Variants in SEPTIN11 observed in about 807,000 individuals in gnomAD.
SEPTIN11 encodes the protein septin 11.
A neutral mutation model predicts 51.4 loss-of-function variants in SEPTIN11; 25 were observed. The observed-to-expected ratio is 0.49, with a 90% CI of 0.35 to 0.68. The LOEUF is 0.68. Among genes scored for constraint, SEPTIN11 ranks in the 30% least tolerant of loss-of-function variants. The pLI, the probability that SEPTIN11 is intolerant of heterozygous loss-of-function variation, is 0.00. For missense variants in SEPTIN11, 381 were observed against 520.8 expected (o/e 0.73, Z 2.61); for synonymous variants, 174 against 184.1 (o/e 0.95, Z 0.44).
At chr4:76,973,199 A>G (rs1002011204) in intron 1 of SEPTIN11, 1 of 152,136 alleles carries the variant, frequency 6.6e-6, no homozygotes, top group African/African-American at 2.4e-5. Context: ...GTGGGGGGAA[A>G]CAAAAAAGTC....
chr4:76,989,368 A>G (rs2109926159), intron 1 of SEPTIN11, among the ~76,000 whole-genome samples: 1 of 152,360 alleles, frequency 6.6e-6, no homozygotes, highest in East Asian at 1.9e-4. Flanking sequence ...AAAATTAAAT[A>G]TTGCTTTCGA....
Position 77,036,001 on chromosome 4 carries a change from C to T in SEPTIN11, c.*1489C>T. 1 of 985,878 alleles carries T rather than the reference C, an allele frequency of 1.0e-6. No homozygotes were observed. Among genetic ancestry groups the T allele is most frequent in the Non-Finnish European group, 1.2e-6 (1 of 829,956 alleles). 61.1% of individuals were successfully genotyped at this position (985,878 alleles called of 1,614,324 possible). ...GATTAAGTAAATAGGATAGAATATG[C>T]TGCGTCTCCCCTGACACACACTTTC... On this transcript the variant is annotated 3_prime_UTR_variant, in exon 10 of 10. Coordinates refer to ENST00000264893, the MANE Select transcript of SEPTIN11 (RefSeq NM_018243.4).
intron 1 of SEPTIN11, among the ~76,000 whole-genome samples, chr4:76,959,368 C>A (rs180847573): frequency 1.9e-4 from 29 of 151,470 alleles, no homozygotes; most frequent in African/African-American, 7.0e-4. Flanking sequence ...CCTGTCTAGG[C>A]CTCCCAAAAT....
intron 1 of SEPTIN11, among the ~76,000 whole-genome samples, chr4:76,983,088 C>T (rs141453227): frequency 3.7e-4 from 56 of 152,214 alleles, no homozygotes; most frequent in African/African-American, 1.1e-3. Flanking sequence ...ATCCCAGCCC[C>T]CTGGTGTACA....
chr4:77,037,870 T>C lies in SEPTIN11; in HGVS notation c.*3358T>C. On this transcript the variant is annotated 3_prime_UTR_variant, in exon 10 of 10. Coordinates refer to ENST00000264893, the MANE Select transcript of SEPTIN11 (RefSeq NM_018243.4). The stretch of plus-strand genomic sequence containing the variant: ...TAATGTAACAGTGGGCACAGATTAC[T>C]TATCTTCCTTCTCTGCTTTGTGACT... 1.0e-6 allele frequency: 1 copy of C among 985,922 alleles called. No individual in the cohort carries two copies. The highest frequency in any genetic ancestry group is 1.2e-6 in the Non-Finnish European group (1 of 829,948). 61.1% of individuals were successfully genotyped at this position (985,922 alleles called of 1,614,324 possible).
chr4:77,007,490 C>G (rs1265152429), intron 3 of SEPTIN11, among the ~76,000 whole-genome samples: 1 of 152,206 alleles, frequency 6.6e-6, no homozygotes, highest in Non-Finnish European at 1.5e-5. Context: ...ATTTTTGCCT[C>G]TCCCCTAAAC....
chr4:77,020,407 G>C (rs996877202), intron 6 of SEPTIN11, 95 bp from the exon 7 acceptor site: 123 of 1,442,640 alleles, frequency 8.5e-5, no homozygotes, highest in Non-Finnish European at 9.5e-5. Flanking sequence ...AGAGATTTCA[G>C]GAGTGATGGT....
Position 77,036,820 on chromosome 4 carries a change from G to A in SEPTIN11, c.*2308G>A. Reference sequence around the variant, plus strand: ...ATGATACCCTCAAATCTAATTGGATGTGCTTTCGCCTTTGCATGTAAGTAC... The same window carrying A: ...ATGATACCCTCAAATCTAATTGGATATGCTTTCGCCTTTGCATGTAAGTAC... On this transcript the variant is annotated 3_prime_UTR_variant, in exon 10 of 10. Coordinates refer to ENST00000264893, the MANE Select transcript of SEPTIN11 (RefSeq NM_018243.4). 1 of 1,527,460 alleles carries A rather than the reference G, an allele frequency of 6.5e-7. No homozygotes were observed. The highest frequency in any genetic ancestry group is 1.2e-5 in the South Asian group (1 of 81,940). The allele number at this position is 1,527,460 out of a possible 1,614,324, so 94.6% of individuals were successfully genotyped here.
Position 77,037,885 on chromosome 4 carries a change from G to A in SEPTIN11, c.*3373G>A. On this transcript the variant is annotated 3_prime_UTR_variant, in exon 10 of 10. Transcript: ENST00000264893. Reference sequence around the variant, plus strand: ...CACAGATTACTTATCTTCCTTCTCTGCTTTGTGACTCACCAGCAGTAACAC... The same window carrying A: ...CACAGATTACTTATCTTCCTTCTCTACTTTGTGACTCACCAGCAGTAACAC... 1 of 985,852 alleles carries A rather than the reference G, an allele frequency of 1.0e-6. No individual in the cohort carries two copies. 61.1% of individuals were successfully genotyped at this position (985,852 alleles called of 1,614,324 possible).
intron 1 of SEPTIN11, among the ~76,000 whole-genome samples, chr4:76,970,600 A>C (rs1722199629): frequency 6.6e-6 from 1 of 152,198 alleles, no homozygotes; most frequent in African/African-American, 2.4e-5. Flanking sequence ...ACATGCAATG[A>C]ATTGGCTTAA....
chr4:77,009,315 C>T (rs1025639612), intron 3 of SEPTIN11, among the ~76,000 whole-genome samples: 4 of 152,126 alleles, frequency 2.6e-5, no homozygotes, highest in Non-Finnish European at 5.9e-5. Context: ...ATGAATAGTT[C>T]AGTTTTGGAC....
chr4:76,974,642 C>G, intron 1 of SEPTIN11: 1 of 411,794 alleles, frequency 2.4e-6, no homozygotes, highest in Non-Finnish European at 4.9e-6. Context: ...TCGTTTCACA[C>G]TGCCAAGTGG....
At chr4:76,970,016 A>G (rs7692344) in intron 1 of SEPTIN11, among the ~76,000 whole-genome samples, 80,377 of 151,958 alleles carry the variant, frequency 0.53, 21,841 homozygotes, top group Middle Eastern at 0.61. Flanking sequence ...TTCAGAATAA[A>G]TAACAGCTCA....
chr4:76,952,215 C>T (rs1446692949), intron 1 of SEPTIN11, among the ~76,000 whole-genome samples: 1 of 152,148 alleles, frequency 6.6e-6, no homozygotes, highest in Admixed American at 6.5e-5. Flanking sequence ...ATCTACACTG[C>T]ACCTTTAAAG....
At chr4:76,989,580 C>T (rs1000845671) in intron 1 of SEPTIN11, among the ~76,000 whole-genome samples, 9 of 152,082 alleles carry the variant, frequency 5.9e-5, no homozygotes, top group Non-Finnish European at 1.3e-4. Context: ...CTGGGCACAC[C>T]GAGCTTGTTA....
intron 5 of SEPTIN11, among the ~76,000 whole-genome samples, chr4:77,017,636 C>A (rs1413420958): frequency 1.3e-5 from 2 of 152,148 alleles, no homozygotes; most frequent in Non-Finnish European, 2.9e-5. Context: ...GCAATCTGAG[C>A]CAATGATTAT....
chr4:77,037,000 C>T lies in SEPTIN11; in HGVS notation c.*2488C>T. 1 of 1,254,590 alleles carries T rather than the reference C, an allele frequency of 8.0e-7. No individual in the cohort carries two copies. The highest frequency in any genetic ancestry group is 1.0e-6 in the Non-Finnish European group (1 of 1,002,510). The allele number at this position is 1,254,590 out of a possible 1,614,324, so 77.7% of individuals were successfully genotyped here. A position where few individuals can be genotyped will look rare whatever the true frequency, so the allele number is the denominator to read the frequency against. ...AAGACTAAATATATTTAAAAGGCCA[C>T]ATTTATATTTTTTTCACAAGAACCA... On this transcript the variant is annotated 3_prime_UTR_variant, in exon 10 of 10. Coordinates refer to ENST00000264893, the MANE Select transcript of SEPTIN11 (RefSeq NM_018243.4).
chr4:77,021,007 C>G lies in SEPTIN11; in HGVS notation c.953+337C>G, dbSNP rs189361857. On this transcript the variant is annotated intron_variant, in intron 7 of 9. Transcript: ENST00000264893. Reference sequence around the variant, plus strand: ...CTGAGCCCAGGTTTCTGCCAGTTCTCTTGCAGAGGTGCAGAGCCTGGTCGA... The same window carrying G: ...CTGAGCCCAGGTTTCTGCCAGTTCTGTTGCAGAGGTGCAGAGCCTGGTCGA... The G allele has an allele frequency of 8.3e-5, 18 of 217,162 alleles. No individual in the cohort carries two copies. The Admixed American group carries it at 8.4e-4, about 10-fold the overall frequency. 13.5% of individuals were successfully genotyped at this position (217,162 alleles called of 1,614,324 possible). A position where few individuals can be genotyped will look rare whatever the true frequency, so the allele number is the denominator to read the frequency against.
intron 3 of SEPTIN11, among the ~76,000 whole-genome samples, chr4:77,011,372 C>T (rs1026827633): frequency 9.9e-5 from 15 of 152,258 alleles, no homozygotes; most frequent in African/African-American, 3.1e-4. Context: ...CCACGGATAC[C>T]CCTTGGGGGA....
Sources: gnomAD v4.1 joint callset for allele counts (sites outside exome capture counted in the v4.1 genomes callset) on GRCh38, gnomAD v4.1.1 for gene constraint, MANE v1.5 for transcripts, NCBI Gene and HGNC (gene_info 2026-07-23, HGNC 2026-07-21) for gene names.